SPATA18: variants seen among roughly 807,000 people sequenced by gnomAD.
The protein encoded by SPATA18 is mitochondria-eating protein.
Under a neutral mutation model 68.1 loss-of-function variants are expected in SPATA18, and 54 were observed. The ratio of observed to expected loss-of-function variants is 0.79; its 90% CI spans 0.64 to 0.99. SPATA18 has a LOEUF of 0.99. Ranked by LOEUF, SPATA18 falls within the 50% of genes least tolerant of loss-of-function variation. SPATA18 has a pLI of 0.00. For synonymous variants in SPATA18, 242 were observed against 244.8 expected (o/e 0.99, Z 0.11); for missense variants, 724 against 681.1 (o/e 1.06, Z -0.70).
At chr4:52,069,083 T>G (rs1739576572) in intron 4 of SPATA18, among the ~76,000 whole-genome samples, 1 of 152,126 alleles carries the variant, frequency 6.6e-6, no homozygotes, top group African/African-American at 2.4e-5. Context: ...TGCACAGGCT[T>G]GTCTTGAACT....
intron 11 of SPATA18, among the ~76,000 whole-genome samples, chr4:52,092,820 A>G (rs1473071968): frequency 6.6e-6 from 1 of 152,228 alleles, no homozygotes; most frequent in East Asian, 1.9e-4. Context: ...TAATATAGGA[A>G]GATCACGAGA....
At chr4:52,077,418 CTCTCTCCT>C (rs926627241) in intron 7 of SPATA18, among the ~76,000 whole-genome samples, 31 of 45,540 alleles carry the variant, frequency 6.8e-4, no homozygotes, top group Non-Finnish European at 3.7e-3. Flanking sequence ...TTTCCTTCCT[CTCTCTCCT>C]TCCTTCCTTC....
chr4:52,086,206 C>T (rs575931044), intron 11 of SPATA18, among the ~76,000 whole-genome samples: 1 of 152,180 alleles, frequency 6.6e-6, no homozygotes, highest in South Asian at 2.1e-4. Context: ...ACTTCCTCAG[C>T]AAAACAAAAA....
intron 6 of SPATA18, 104 bp downstream of exon 6, chr4:52,072,260 A>C: frequency 6.7e-7 from 1 of 1,492,986 alleles, no homozygotes; most frequent in Non-Finnish European, 9.0e-7. Flanking sequence ...CCCTGAACCA[A>C]AACCTCAGCA....
chr4:52,094,704 GTCTGGGCC>G, intron 12 of SPATA18, 132 bp downstream of exon 12: 1 of 1,279,566 alleles, frequency 7.8e-7, no homozygotes, highest in South Asian at 1.2e-5. Flanking sequence ...CACCTTTCAT[GTCTGGGCC>G]TCTGGCTGAT....
At chr4:52,075,843 A>G (rs1409578157) in intron 6 of SPATA18, among the ~76,000 whole-genome samples, 1 of 152,226 alleles carries the variant, frequency 6.6e-6, no homozygotes, top group Non-Finnish European at 1.5e-5. Context: ...TCATCTGCCC[A>G]AGCTTGACCA....
chr4:52,079,668 A>G (rs1212426502), intron 8 of SPATA18, 76 bp from the exon 9 acceptor site: 4 of 1,518,130 alleles, frequency 2.6e-6, no homozygotes, highest in Middle Eastern at 1.7e-4. Flanking sequence ...CCTCCCATCA[A>G]TCCTAATATT....
chr4:52,071,723 G>A (rs900687542), intron 5 of SPATA18, among the ~76,000 whole-genome samples, 194 bp from the exon 6 acceptor site: 6 of 152,080 alleles, frequency 3.9e-5, no homozygotes, highest in African/African-American at 1.2e-4. Flanking sequence ...TGGCACCCTG[G>A]CCCTGGCAGT....
chr4:52,067,608 C>T lies in SPATA18; in HGVS notation c.423-2213C>T, dbSNP rs191149980. ...TTTGCATGCCTGGCTCTTTATTATC[C>T]TCCAAGTCTCAGCTTAAATGTGCCT... is the stretch of plus-strand genomic sequence containing the variant. On this transcript the variant is annotated intron_variant, in intron 4 of 12. Coordinates refer to ENST00000295213, the MANE Select transcript of SPATA18 (RefSeq NM_145263.4). Among the ~76,000 whole-genome samples the T allele has an allele frequency of 3.4e-3, 523 of 152,238 alleles. 1 individual carries two copies. The highest frequency in any genetic ancestry group is 0.012 in the African/African-American group (481 of 41,528).
intron 3 of SPATA18, among the ~76,000 whole-genome samples, chr4:52,061,441 TA>T (rs1738840075): frequency 6.6e-6 from 1 of 151,328 alleles, no homozygotes; most frequent in African/African-American, 2.4e-5. Context: ...TATACCTATG[TA>T]AAAAACCTGC....
chr4:52,082,581 C>T (rs781045579), intron 10 of SPATA18, 71 bp downstream of exon 10: 7 of 1,612,444 alleles, frequency 4.3e-6, no homozygotes, highest in African/African-American at 2.7e-5. Flanking sequence ...ATTTATAAAC[C>T]CAGAGATTCT....
intron 2 of SPATA18, 40 bp downstream of exon 2, chr4:52,060,564 C>G: frequency 6.3e-7 from 1 of 1,577,006 alleles, no homozygotes; most frequent in Middle Eastern, 1.7e-4. Context: ...TTCTGCTTGC[C>G]TTTCTCTCTT....
chr4:52,060,551 C>A (rs760344887), intron 2 of SPATA18, 27 bp downstream of exon 2: 1 of 1,593,210 alleles, frequency 6.3e-7, no homozygotes, highest in Non-Finnish European at 8.6e-7. Context: ...ATTTCCCATC[C>A]AGTTCTGCTT....
At chr4:52,058,033 C>A (rs888021572) in intron 1 of SPATA18, among the ~76,000 whole-genome samples, 1 of 152,142 alleles carries the variant, frequency 6.6e-6, no homozygotes, top group South Asian at 2.1e-4. Context: ...AGCCAGAGGG[C>A]AAAAGGCTTG....
chr4:52,089,268 T>A (rs1343442187), intron 11 of SPATA18, among the ~76,000 whole-genome samples: 3 of 152,208 alleles, frequency 2.0e-5, no homozygotes, highest in African/African-American at 7.2e-5. Context: ...GAAGTGTTGT[T>A]AATGTCTCTA....
intron 9 of SPATA18, among the ~76,000 whole-genome samples, chr4:52,081,159 C>T (rs1347994812): frequency 1.3e-5 from 2 of 152,194 alleles, no homozygotes; most frequent in Non-Finnish European, 2.9e-5. Context: ...GAGTGCCATT[C>T]AGAACCATTC....
chr4:52,073,335 AC>A (rs1740034320), intron 6 of SPATA18, among the ~76,000 whole-genome samples: 1 of 152,126 alleles, frequency 6.6e-6, no homozygotes. Flanking sequence ...CTTTATGGAG[AC>A]CCGTTTACTT....
chr4:52,082,564 C>A, intron 10 of SPATA18, 54 bp downstream of exon 10: 1 of 1,612,874 alleles, frequency 6.2e-7, no homozygotes, highest in South Asian at 1.1e-5. Flanking sequence ...TTCACAAGTT[C>A]GAGAACATTT....
At chr4:52,084,751 A>G (rs1319461012) in intron 10 of SPATA18, among the ~76,000 whole-genome samples, 165 bp from the exon 11 acceptor site, 5 of 152,240 alleles carry the variant, frequency 3.3e-5, no homozygotes, top group Non-Finnish European at 4.4e-5. Context: ...AATATTGGGC[A>G]GCTATAGGAG....
Sources: gnomAD v4.1 joint callset for allele counts (sites outside exome capture counted in the v4.1 genomes callset) on GRCh38, gnomAD v4.1.1 for gene constraint, MANE v1.5 for transcripts, NCBI Gene and HGNC (gene_info 2026-07-23, HGNC 2026-07-21) for gene names.